The following KIF20B variants were observed in gnomAD, a reference collection of about 807,000 sequenced individuals.
KIF20B encodes kinesin-like protein KIF20B.
Under a neutral mutation model 232.5 loss-of-function variants are expected in KIF20B, and 188 were observed. The ratio of observed to expected loss-of-function variants is 0.81; its 90% CI spans 0.72 to 0.91. The LOEUF is 0.91. KIF20B is among the 40% of genes least tolerant of loss of function. The pLI is 0.00. For missense variants in KIF20B, 2,154 were observed against 2,055.9 expected (o/e 1.05, Z -0.92); for synonymous variants, 712 against 683.0 (o/e 1.04, Z -0.66).
chr10:89,751,680 A>C (rs1000794602), intron 24 of KIF20B, among the ~76,000 whole-genome samples: 3 of 152,022 alleles, frequency 2.0e-5, no homozygotes, highest in African/African-American at 7.2e-5. Flanking sequence ...GAGTAAGGAC[A>C]CTGCATGATA....
chr10:89,705,727 T>C (rs1842708792), intron 2 of KIF20B, among the ~76,000 whole-genome samples: 1 of 152,172 alleles, frequency 6.6e-6, no homozygotes, highest in African/African-American at 2.4e-5. Flanking sequence ...AATGGCAGAG[T>C]TGAGTAGTTG....
chr10:89,766,325 AG>A (rs1332014590), intron 29 of KIF20B: 1 of 154,022 alleles, frequency 6.5e-6, no homozygotes, highest in East Asian at 1.9e-4. Context: ...CAAAGCTGGA[AG>A]GAGAATGACT....
At chr10:89,757,604 T>C (rs74519855) in intron 26 of KIF20B, among the ~76,000 whole-genome samples, 1 of 152,160 alleles carries the variant, frequency 6.6e-6, no homozygotes, top group East Asian at 1.9e-4. Context: ...TATTATTTCC[T>C]GAAAGCTTTG....
rs555975832 is a variant in KIF20B at position 89,731,211 on chromosome 10, A to G, written c.2392-1692A>G. 2.6e-5 allele frequency among the ~76,000 whole-genome samples: 4 copies of G among 152,318 alleles called. No homozygotes were observed. The South Asian group carries it at 6.2e-4, about 24-fold the overall frequency. ...AGACAGGTCATTTCTGGTGACTACAACTTCAAAGAAAATAGTTGGAAATTT... is the reference window on the plus strand; with the variant it reads ...AGACAGGTCATTTCTGGTGACTACAGCTTCAAAGAAAATAGTTGGAAATTT... On this transcript the variant is annotated intron_variant, in intron 18 of 32. Coordinates refer to ENST00000371728, the MANE Select transcript of KIF20B (RefSeq NM_001284259.2).
At chr10:89,746,363 G>A (rs1181238626) in intron 23 of KIF20B, among the ~76,000 whole-genome samples, 1 of 152,190 alleles carries the variant, frequency 6.6e-6, no homozygotes, top group Non-Finnish European at 1.5e-5. Context: ...CTCTGCAGAT[G>A]TATGGGGAGC....
chr10:89,705,398 T>C lies in KIF20B; in HGVS notation c.104T>C (p.Leu35Pro). 6.2e-7 allele frequency: 1 copy of C among 1,614,108 alleles called. No homozygotes were observed. The highest frequency in any genetic ancestry group is 8.5e-7 in the Non-Finnish European group (1 of 1,179,968). The stretch of plus-strand genomic sequence containing the variant: ...GAAATAAATTTCGATGGCATTAAGC[T>C]TGATCTGTCTCATGAATTTTCCTTA... The part of the protein sequence containing the change: ...PSEINFDGIK[L>P]DLSHEFSLVA... Residue 35 changes from leucine (L) to proline (P), a missense_variant, in exon 2 of 33, where the codon CTT becomes CCT. Physicochemically the swap from Leu to Pro is moderately conservative, Grantham distance 98. Coordinates refer to ENST00000371728, the MANE Select transcript of KIF20B (RefSeq NM_001284259.2).
intron 11 of KIF20B, 142 bp downstream of exon 11, chr10:89,717,864 T>C: frequency 1.9e-6 from 1 of 527,290 alleles, no homozygotes; most frequent in Non-Finnish European, 3.3e-6. Flanking sequence ...TTCAAGTACT[T>C]AAGAGATCTT....
intron 19 of KIF20B, 46 bp downstream of exon 19, chr10:89,733,102 C>G: frequency 6.2e-7 from 1 of 1,600,974 alleles, no homozygotes; most frequent in Non-Finnish European, 8.5e-7. Context: ...AAGCTAATTT[C>G]TAAACCAGTA....
At chr10:89,728,801 G>A (rs1843247715) in intron 17 of KIF20B, among the ~76,000 whole-genome samples, 1 of 152,102 alleles carries the variant, frequency 6.6e-6, no homozygotes, top group African/African-American at 2.4e-5. Flanking sequence ...ATGAGCCACT[G>A]TGCCTGGCCC....
At chr10:89,712,813 A>C (rs1301859083) in intron 6 of KIF20B, among the ~76,000 whole-genome samples, 1 of 152,172 alleles carries the variant, frequency 6.6e-6, no homozygotes, top group Non-Finnish European at 1.5e-5. Flanking sequence ...ACATTATTCT[A>C]TTCAAGGCTG....
intron 28 of KIF20B, among the ~76,000 whole-genome samples, chr10:89,761,195 G>A (rs1416791293): frequency 3.9e-5 from 6 of 151,972 alleles, no homozygotes. Context: ...TTCAGAGTTG[G>A]GAACCTTTTT....
chr10:89,757,040 G>GTGTGTGTGTGTGTGTATATATATATATA (rs1301847520), intron 26 of KIF20B, among the ~76,000 whole-genome samples: 13 of 110,740 alleles, frequency 1.2e-4, no homozygotes, highest in African/African-American at 4.0e-4. Flanking sequence ...GTGTGTGTGT[G>GTGTGTGTGTGTGTGTATATATATATATA]TATATATATA....
chr10:89,774,824 C>T lies in KIF20B; in HGVS notation c.*776C>T, dbSNP rs1842536378. On this transcript the variant is annotated 3_prime_UTR_variant, in exon 33 of 33. Coordinates refer to ENST00000371728, the MANE Select transcript of KIF20B (RefSeq NM_001284259.2). Reference sequence around the variant, plus strand: ...TACCCATTAACCATCCCCACCTCCCCCTGCAACCGTCAGTACCCTTACCAG... The same window carrying T: ...TACCCATTAACCATCCCCACCTCCCTCTGCAACCGTCAGTACCCTTACCAG... 6.6e-6 allele frequency: 1 copy of T among 151,960 alleles called. No individual in the cohort carries two copies. The highest frequency in any genetic ancestry group is 2.1e-4 in the South Asian group (1 of 4,822). The allele number at this position is 151,960 out of a possible 1,614,324, so 9.4% of individuals were successfully genotyped here.
At chr10:89,748,358 C>T (rs1296827201) in intron 23 of KIF20B, among the ~76,000 whole-genome samples, 1 of 152,170 alleles carries the variant, frequency 6.6e-6, no homozygotes, top group African/African-American at 2.4e-5. Flanking sequence ...TAAAATGATA[C>T]AGACTCCTCT....
intron 12 of KIF20B, 141 bp downstream of exon 12, chr10:89,719,013 G>A (rs1204601692): frequency 7.1e-6 from 4 of 566,870 alleles, no homozygotes; most frequent in African/African-American, 2.0e-5. Flanking sequence ...AGGAAGACAT[G>A]AGAAAGGATT....
In KIF20B at chr10:89,756,248, T is replaced by G. The variant is rs140277767; in HGVS notation, c.4503+1575T>G. On this transcript the variant is annotated intron_variant, in intron 26 of 32. Transcript: ENST00000371728. ...GAATAAATTTTTTGAAATCATTTTA[T>G]TTACAGAAAAGTTACAGAACTAGCA... Among the ~76,000 whole-genome samples the G allele has an allele frequency of 3.8e-3, 580 of 152,320 alleles. 5 individuals are homozygous for G. The highest frequency in any genetic ancestry group is 0.013 in the African/African-American group (550 of 41,560).
At chr10:89,740,094 G>A (rs1305731927) in intron 21 of KIF20B, among the ~76,000 whole-genome samples, 4 of 152,120 alleles carry the variant, frequency 2.6e-5, no homozygotes, top group Non-Finnish European at 5.9e-5. Context: ...TAGAGGATAT[G>A]AAGTGTTATC....
intron 13 of KIF20B, among the ~76,000 whole-genome samples, chr10:89,720,666 G>A (rs187794097): frequency 6.3e-4 from 95 of 151,966 alleles, no homozygotes; most frequent in African/African-American, 1.8e-3. Flanking sequence ...AAGATTTAAC[G>A]GTTGTTTTTT....
chr10:89,746,772 G>C (rs1045081401), intron 23 of KIF20B, among the ~76,000 whole-genome samples: 1 of 152,218 alleles, frequency 6.6e-6, no homozygotes, highest in African/African-American at 2.4e-5. Context: ...AAAACAGGTA[G>C]TTGCAATAAC....
Sources: allele counts gnomAD v4.1 joint callset (sites outside exome capture counted in the v4.1 genomes callset), GRCh38; gene constraint gnomAD v4.1.1; transcripts MANE v1.5; gene names NCBI Gene and HGNC (gene_info 2026-07-23, HGNC 2026-07-21).